GUCY1A2: variants seen among roughly 807,000 people sequenced by gnomAD.
GUCY1A2 encodes guanylate cyclase 1 soluble subunit alpha 2.
Under a neutral mutation model 63.5 loss-of-function variants are expected in GUCY1A2, and 27 were observed. The observed-to-expected ratio is 0.43, with a 90% confidence interval of 0.31 to 0.59. GUCY1A2 has a LOEUF of 0.59. Ranked by LOEUF, GUCY1A2 falls within the 20% of genes least tolerant of loss-of-function variation. The probability of loss-of-function intolerance (pLI) is 0.11; values close to 1 mark genes in which losing one functional copy is unlikely to be tolerated. For missense variants in GUCY1A2, 768 were observed against 913.3 expected (o/e 0.84, Z 2.05); for synonymous variants, 364 against 343.5 (o/e 1.06, Z -0.66).
chr11:107,001,934 G>A (rs182232573), intron 1 of GUCY1A2, among the ~76,000 whole-genome samples: 1 of 151,518 alleles, frequency 6.6e-6, no homozygotes, highest in Non-Finnish European at 1.5e-5. Context: ...CAGGAGAATC[G>A]CTTGAACCTG....
At chr11:106,955,895 C>T (rs1441975885) in intron 3 of GUCY1A2, among the ~76,000 whole-genome samples, 1 of 152,004 alleles carries the variant, frequency 6.6e-6, no homozygotes, top group Non-Finnish European at 1.5e-5. Flanking sequence ...GTGTGTTTTC[C>T]AGCTTGTTTC....
At chr11:106,955,208 G>A (rs994037938) in intron 3 of GUCY1A2, among the ~76,000 whole-genome samples, 5 of 152,094 alleles carry the variant, frequency 3.3e-5, no homozygotes, top group African/African-American at 7.2e-5. Flanking sequence ...CCAACCTCAG[G>A]TGATCCACCC....
chr11:106,973,745 G>T (rs567107349), intron 3 of GUCY1A2, among the ~76,000 whole-genome samples: 2 of 152,220 alleles, frequency 1.3e-5, no homozygotes, highest in South Asian at 4.1e-4. Context: ...CAACAAGTTA[G>T]TTAACCTTGC....
chr11:106,966,480 T>A (rs1292709471), intron 3 of GUCY1A2, among the ~76,000 whole-genome samples: 1 of 152,190 alleles, frequency 6.6e-6, no homozygotes. Flanking sequence ...TGTAGTTTTT[T>A]ACTGCCTGGC....
intron 5 of GUCY1A2, among the ~76,000 whole-genome samples, chr11:106,800,282 T>A (rs1250297141): frequency 1.3e-5 from 2 of 152,204 alleles, no homozygotes; most frequent in Non-Finnish European, 2.9e-5. Context: ...ACTTTTACAC[T>A]GTTGGTGGGA....
At chr11:106,805,956 C>T (rs908984391) in intron 5 of GUCY1A2, among the ~76,000 whole-genome samples, 1 of 152,038 alleles carries the variant, frequency 6.6e-6, no homozygotes, top group Non-Finnish European at 1.5e-5. Flanking sequence ...TTAACCTTTC[C>T]AAAACTCAGT....
In GUCY1A2 at chr11:106,850,342, T is replaced by G. The variant is rs1859335289; in HGVS notation, c.1207-39864A>C. On this transcript the variant is annotated intron_variant, in intron 4 of 7. Coordinates refer to ENST00000526355, the MANE Select transcript of GUCY1A2 (RefSeq NM_000855.3). The stretch of plus-strand genomic sequence containing the variant: ...TCACCTCAAACATTTATTATTACTT[T>G]GTGTTGTGAACATTCAAAATCCTCT... Among the ~76,000 whole-genome samples the G allele has an allele frequency of 2.0e-5, 3 of 151,806 alleles. No homozygotes were observed. The South Asian group carries it at 6.2e-4, about 31-fold the overall frequency.
intron 3 of GUCY1A2, among the ~76,000 whole-genome samples, chr11:106,949,834 T>C (rs1860881308): frequency 6.6e-6 from 1 of 152,176 alleles, no homozygotes; most frequent in South Asian, 2.1e-4. Flanking sequence ...TGAAGACCAC[T>C]ATAGTAACCC....
At chr11:106,724,462 C>G (rs925361076) in intron 6 of GUCY1A2, among the ~76,000 whole-genome samples, 3 of 152,350 alleles carry the variant, frequency 2.0e-5, no homozygotes, top group Middle Eastern at 3.4e-3. Flanking sequence ...CCATCTCACT[C>G]TCTCTGGTCA....
intron 1 of GUCY1A2, among the ~76,000 whole-genome samples, chr11:107,017,480 G>T (rs972565693): frequency 1.3e-5 from 2 of 152,184 alleles, no homozygotes; most frequent in African/African-American, 4.8e-5. Context: ...GTGAAGTAGG[G>T]TTCAAGGCTA....
intron 6 of GUCY1A2, among the ~76,000 whole-genome samples, chr11:106,722,954 A>T (rs1041603687): frequency 6.6e-6 from 1 of 152,202 alleles, no homozygotes; most frequent in African/African-American, 2.4e-5. Flanking sequence ...TAACCAAAGC[A>T]ATATCTTCAA....
intron 1 of GUCY1A2, among the ~76,000 whole-genome samples, chr11:106,992,288 A>T (rs534573637): frequency 6.6e-6 from 1 of 152,046 alleles, no homozygotes; most frequent in South Asian, 2.1e-4. Flanking sequence ...TCACGTGACG[A>T]AAAGTAAAGA....
chr11:106,924,204 A>T (rs773655809), intron 4 of GUCY1A2, among the ~76,000 whole-genome samples: 60 of 152,226 alleles, frequency 3.9e-4, no homozygotes, highest in Non-Finnish European at 7.3e-5. Context: ...TCCATAGGAC[A>T]AGCAAAATAA....
intron 4 of GUCY1A2, among the ~76,000 whole-genome samples, chr11:106,917,195 C>G (rs1860380462): frequency 6.9e-6 from 1 of 145,540 alleles, no homozygotes; most frequent in Non-Finnish European, 1.5e-5. Context: ...GATATTTAAG[C>G]TAAAATCTGA....
intron 1 of GUCY1A2, among the ~76,000 whole-genome samples, chr11:107,008,631 C>T (rs536763097): frequency 2.6e-5 from 4 of 152,158 alleles, no homozygotes; most frequent in African/African-American, 7.2e-5. Flanking sequence ...GCTAGGCATG[C>T]GCATACATAG....
intron 4 of GUCY1A2, among the ~76,000 whole-genome samples, chr11:106,841,863 A>G (rs1218684331): frequency 6.6e-6 from 1 of 151,874 alleles, no homozygotes; most frequent in African/African-American, 2.4e-5. Context: ...ATTTTACTTT[A>G]CTACCTTTTT....
chr11:106,732,913 T>G (rs2135372797), intron 6 of GUCY1A2, among the ~76,000 whole-genome samples: 1 of 152,288 alleles, frequency 6.6e-6, no homozygotes, highest in South Asian at 2.1e-4. Context: ...ATAGCCTTAC[T>G]TTCCCTGTCT....
intron 4 of GUCY1A2, chr11:106,826,731 C>T: frequency 3.1e-6 from 5 of 1,610,856 alleles, no homozygotes; most frequent in Admixed American, 1.7e-5. Context: ...CAGCCATGCA[C>T]TTTGCTGCAT....
At chr11:106,958,610 A>AC (rs1565343863) in intron 3 of GUCY1A2, among the ~76,000 whole-genome samples, 1 of 63,228 alleles carries the variant, frequency 1.6e-5, no homozygotes, top group East Asian at 1.2e-3. Context: ...ACTGTTTAAT[A>AC]TAAAAAAAAA....
Sources: allele counts gnomAD v4.1 joint callset (sites outside exome capture counted in the v4.1 genomes callset), GRCh38; gene constraint gnomAD v4.1.1; transcripts MANE v1.5; gene names NCBI Gene and HGNC (gene_info 2026-07-23, HGNC 2026-07-21).